The following RUSC2 variants were observed in gnomAD, a reference collection of about 807,000 sequenced individuals.
RUSC2 encodes the protein RUN and SH3 domain containing 2.
RUSC2 carries 34 observed loss-of-function variants against 122.2 expected under a neutral mutation model. The ratio of observed to expected loss-of-function variants is 0.28; its 90% CI spans 0.21 to 0.37. The LOEUF (loss-of-function observed/expected upper bound fraction) is 0.37, where lower values mean the gene tolerates loss of function less well. RUSC2 is among the 10% of genes least tolerant of loss of function. The probability of loss-of-function intolerance (pLI) is 1.00; values close to 1 mark genes in which losing one functional copy is unlikely to be tolerated. For synonymous variants in RUSC2, 784 were observed against 790.0 expected (o/e 0.99, Z 0.13); for missense variants, 1,747 against 1,952.4 (o/e 0.89, Z 1.98).
At position 35,561,095 on chromosome 9, in the gene RUSC2, G is replaced by A. The variant is rs370627711; in HGVS notation, c.4347G>A (p.Pro1449=). 505 of 1,613,960 alleles carry A rather than the reference G, an allele frequency of 3.1e-4. 9 individuals carry two copies. In the South Asian group the frequency reaches 4.7e-3, roughly 15 times the overall value. The stretch of plus-strand genomic sequence containing the variant: ...CCCCAGCCCTGCCCTCCAGTCCTCC[G>A]TGGTAAGCCTGGGGAAACGGAAGGG... ...PHSPALPSSP[P]CEVQALCHHL... The change falls in exon 11 of 12, where the codon CCG becomes CCA. Residue 1449 remains proline, a splice_region_variant and synonymous_variant. Transcript: ENST00000361226.
intron 1 of RUSC2, among the ~76,000 whole-genome samples, chr9:35,502,430 G>A (rs2132495547): frequency 6.6e-6 from 1 of 152,258 alleles, no homozygotes; most frequent in East Asian, 1.9e-4. Context: ...ACTCCCTCAA[G>A]ATTAAGGGAT....
intron 1 of RUSC2, among the ~76,000 whole-genome samples, chr9:35,537,321 C>T (rs1481631276): frequency 6.6e-6 from 1 of 152,246 alleles, no homozygotes; most frequent in Non-Finnish European, 1.5e-5. Flanking sequence ...TGAAGATTCA[C>T]TCTGCCCTAA....
chr9:35,546,698 A>G lies in RUSC2; in HGVS notation c.177A>G (p.Leu59=), dbSNP rs540760890. ...ELGITQPDQD[L]GQADSLLFSS... ...GCATCACCCAGCCCGATCAAGACCT[A>G]GGACAAGCTGACTCCCTGCTATTCA... The change falls in exon 2 of 12, where the codon CTA becomes CTG. Residue 59 remains leucine (L), a synonymous_variant. Transcript: ENST00000361226. The surrounding 1 kb of genome is among the most constrained non-coding windows in gnomAD (Gnocchi z 4.3). The G allele has an allele frequency of 2.0e-5, 32 of 1,561,540 alleles. No homozygotes were observed. In the Admixed American group the frequency reaches 6.1e-4, roughly 30 times the overall value.
chr9:35,543,397 C>T (rs567630656), intron 1 of RUSC2, among the ~76,000 whole-genome samples: 30 of 151,836 alleles, frequency 2.0e-4, no homozygotes, highest in South Asian at 4.2e-4. Context: ...ACTCCAGCCT[C>T]GGTGATAGAG....
At chr9:35,528,588 C>T (rs959496338) in intron 1 of RUSC2, among the ~76,000 whole-genome samples, 6 of 151,388 alleles carry the variant, frequency 4.0e-5, no homozygotes, top group Non-Finnish European at 7.4e-5. Context: ...CTCACTGGAG[C>T]CCAAAAGTCC....
chr9:35,553,759 G>T (rs144179188), intron 2 of RUSC2, among the ~76,000 whole-genome samples: 306 of 152,316 alleles, frequency 2.0e-3, no homozygotes, highest in African/African-American at 7.1e-3. Context: ...CAGTGACTGG[G>T]TATAGCAGGA....
At chr9:35,501,567 G>A (rs1387943712) in intron 1 of RUSC2, among the ~76,000 whole-genome samples, 2 of 152,078 alleles carry the variant, frequency 1.3e-5, no homozygotes, top group African/African-American at 2.4e-5. Flanking sequence ...ACAGAGTGAG[G>A]CTCCATCTCA....
chr9:35,549,293 GT>G (rs10625373), intron 2 of RUSC2: 786 of 801,410 alleles, frequency 9.8e-4, no homozygotes, highest in Middle Eastern at 3.7e-3. Context: ...CGTCAGTGAA[GT>G]TTTTTTTTTT....
chr9:35,502,591 GA>G (rs1218081160), intron 1 of RUSC2, among the ~76,000 whole-genome samples: 2 of 151,966 alleles, frequency 1.3e-5, no homozygotes, highest in African/African-American at 2.4e-5. Flanking sequence ...AACATTTTCT[GA>G]AAAAAATTCT....
At chr9:35,552,729 T>C (rs150850692) in intron 2 of RUSC2, among the ~76,000 whole-genome samples, 237 of 152,340 alleles carry the variant, frequency 1.6e-3, no homozygotes, top group African/African-American at 5.4e-3. Flanking sequence ...ACTGGGGGAC[T>C]GGGGCTATTT....
At chr9:35,513,325 C>A (rs566900335) in intron 1 of RUSC2, among the ~76,000 whole-genome samples, 7 of 152,036 alleles carry the variant, frequency 4.6e-5, no homozygotes, top group Non-Finnish European at 1.0e-4. Context: ...TCACTGCAAC[C>A]TCCGCCTCCT....
chr9:35,532,801 G>A (rs1178042396), intron 1 of RUSC2, among the ~76,000 whole-genome samples: 1 of 151,944 alleles, frequency 6.6e-6, no homozygotes, highest in Non-Finnish European at 1.5e-5. Flanking sequence ...AAGGATGACT[G>A]CTGATAGTGT....
intron 1 of RUSC2, among the ~76,000 whole-genome samples, chr9:35,517,510 CAG>C (rs34244082): frequency 0.26 from 39,024 of 152,004 alleles, 5,093 homozygotes; most frequent in South Asian, 0.36. Flanking sequence ...GGCCCACAAA[CAG>C]GGGAGAATTA....
At chr9:35,528,499 C>T (rs938506852) in intron 1 of RUSC2, among the ~76,000 whole-genome samples, 1 of 149,968 alleles carries the variant, frequency 6.7e-6, no homozygotes, top group African/African-American at 2.4e-5. Flanking sequence ...TCTCTTTATG[C>T]GATTTGATAC....
intron 1 of RUSC2, among the ~76,000 whole-genome samples, chr9:35,494,340 C>T (rs2132483431): frequency 6.6e-6 from 1 of 152,142 alleles, no homozygotes; most frequent in East Asian, 1.9e-4. Flanking sequence ...GTGGCGCACA[C>T]CTATAATCCC....
At chr9:35,506,046 TA>T (rs1820910422) in intron 1 of RUSC2, among the ~76,000 whole-genome samples, 1 of 152,208 alleles carries the variant, frequency 6.6e-6, no homozygotes, top group Admixed American at 6.5e-5. Flanking sequence ...GAAATATAAC[TA>T]TTGCTATATG....
chr9:35,536,584 G>A (rs1755714944), intron 1 of RUSC2, among the ~76,000 whole-genome samples: 1 of 152,100 alleles, frequency 6.6e-6, no homozygotes, highest in African/African-American at 2.4e-5. Context: ...AGGCTGAGGC[G>A]GGTGGATCAC....
chr9:35,559,910 GACTAGTGCACAGCCTGC>G, intron 9 of RUSC2, 102 bp from the exon 10 acceptor site: 2 of 816,814 alleles, frequency 2.4e-6, no homozygotes, highest in Non-Finnish European at 3.9e-6. Flanking sequence ...CATGCAAGTT[GACTAGTGCACAGCCTGC>G]ACCGCTGTCT....
rs55836338 is a variant in RUSC2, at chr9:35,534,419, T to TACACACACAC, written c.-92-11981_-92-11972dup. Among the ~76,000 whole-genome samples, 941 of 140,994 alleles carry TACACACACAC rather than the reference T, an allele frequency of 6.7e-3. 13 individuals are homozygous for TACACACACAC. The highest frequency in any genetic ancestry group is 0.023 in the African/African-American group (849 of 37,440). 92.5% of individuals were successfully genotyped at this position (140,994 alleles called of 152,430 possible). On this transcript the variant is annotated intron_variant, in intron 1 of 11. Transcript: ENST00000361226. ...GTGAGACCCCCATCTCTACAAATAA[T>TACACACACAC]ACACACACACACACACACACACACA...
Sources: allele counts gnomAD v4.1 joint callset (sites outside exome capture counted in the v4.1 genomes callset), GRCh38; gene constraint gnomAD v4.1.1; non-coding constraint Gnocchi (gnomAD v3.1); transcripts MANE v1.5; gene names NCBI Gene and HGNC (gene_info 2026-07-23, HGNC 2026-07-21).